PEX5L: variants seen among roughly 807,000 people sequenced by gnomAD.
PEX5L encodes PEX5-related protein.
PEX5L carries 30 observed loss-of-function variants against 84.0 expected under a neutral mutation model. The ratio of observed to expected loss-of-function variants is 0.36; its 90% confidence interval spans 0.27 to 0.48. The LOEUF is 0.48. PEX5L is among the 20% of genes least tolerant of loss of function. PEX5L has a pLI of 0.99. For synonymous variants in PEX5L, 270 were observed against 283.1 expected (o/e 0.95, Z 0.46); for missense variants, 533 against 754.6 (o/e 0.71, Z 3.44).
At chr3:179,955,399 T>C (rs1450957001) in intron 2 of PEX5L, among the ~76,000 whole-genome samples, 2 of 150,090 alleles carry the variant, frequency 1.3e-5, no homozygotes, top group East Asian at 2.0e-4. Context: ...CTGAAGCTAA[T>C]TGGGTTTCTT....
At chr3:179,905,373 A>C (rs912807774) in intron 2 of PEX5L, among the ~76,000 whole-genome samples, 2 of 151,856 alleles carry the variant, frequency 1.3e-5, no homozygotes, top group Admixed American at 6.6e-5. Flanking sequence ...CCCAGGTTCA[A>C]GCCATTCTCC....
intron 8 of PEX5L, among the ~76,000 whole-genome samples, chr3:179,850,115 C>A (rs1203393261): frequency 2.0e-5 from 3 of 151,854 alleles, no homozygotes; most frequent in African/African-American, 7.3e-5. Context: ...CTAAGACTAT[C>A]TTGCCTTATA....
At chr3:180,022,923 T>C (rs2110513353) in intron 1 of PEX5L, among the ~76,000 whole-genome samples, 1 of 152,350 alleles carries the variant, frequency 6.6e-6, no homozygotes, top group Non-Finnish European at 1.5e-5. Flanking sequence ...TAAAGCTATT[T>C]GGATTCTACA....
intron 2 of PEX5L, among the ~76,000 whole-genome samples, chr3:179,938,118 G>T (rs950771700): frequency 6.6e-6 from 1 of 152,088 alleles, no homozygotes; most frequent in Non-Finnish European, 1.5e-5. Context: ...GGATTCTGAT[G>T]AGGTAAACAT....
Position 179,806,154 on chromosome 3 carries a change from A to G in PEX5L, c.1676+1520T>C, listed in dbSNP as rs139235740. On this transcript the variant is annotated intron_variant, in intron 14 of 14. Coordinates refer to ENST00000467460, the MANE Select transcript of PEX5L (RefSeq NM_016559.3). ...AAAAAAGGAATCTAAGGTGTCTCAT[A>G]AAATACATATACACAACATATCTAG... 8.0e-3 allele frequency among the ~76,000 whole-genome samples: 1,218 copies of G among 152,178 alleles called. 20 individuals carry two copies. The highest frequency in any genetic ancestry group is 0.027 in the African/African-American group (1,141 of 41,522).
chr3:179,817,735 A>G, intron 9 of PEX5L, among the ~76,000 whole-genome samples: 1 of 152,212 alleles, frequency 6.6e-6, no homozygotes, highest in East Asian at 1.9e-4. Flanking sequence ...CTAAGGTTTA[A>G]GAGTAGATCA....
chr3:179,959,068 A>T (rs1378240229), intron 2 of PEX5L, among the ~76,000 whole-genome samples: 1 of 152,058 alleles, frequency 6.6e-6, no homozygotes, highest in African/African-American at 2.4e-5. Context: ...CCGAAAAAAA[A>T]AAAATAAAAA....
At chr3:179,933,475 C>T (rs1387168985) in intron 2 of PEX5L, among the ~76,000 whole-genome samples, 2 of 151,718 alleles carry the variant, frequency 1.3e-5, no homozygotes. Context: ...AATTTCAATA[C>T]CAGTGAAATT....
intron 1 of PEX5L, among the ~76,000 whole-genome samples, chr3:180,001,421 T>C (rs1227412789): frequency 1.3e-5 from 2 of 150,326 alleles, no homozygotes; most frequent in East Asian, 3.9e-4. Flanking sequence ...CTCTGACTTA[T>C]ACACCCACCG....
chr3:179,960,134 T>A (rs1240528263), intron 2 of PEX5L, among the ~76,000 whole-genome samples: 2 of 152,232 alleles, frequency 1.3e-5, no homozygotes, highest in African/African-American at 4.8e-5. Context: ...TTTCCCTCTT[T>A]GTTCTCTTAC....
intron 3 of PEX5L, 35 bp from the exon 4 acceptor site, chr3:179,887,819 T>G: frequency 7.3e-7 from 1 of 1,378,794 alleles, no homozygotes; most frequent in Admixed American, 1.7e-5. Flanking sequence ...CAAAGGGCTT[T>G]GTTAAACTGC....
intron 2 of PEX5L, among the ~76,000 whole-genome samples, chr3:179,905,899 C>A (rs1440114849): frequency 6.6e-6 from 1 of 152,168 alleles, no homozygotes; most frequent in South Asian, 2.1e-4. Context: ...CATAAACGCT[C>A]AAGTGCACTC....
Position 179,816,023 on chromosome 3 carries a change from C to CCAGT in PEX5L, c.940-23_940-20dup. Reference sequence around the variant, plus strand: ...AATATCCCTGCAACACAGAAAAAGGCCAGTGCATGAGCCATTGATTTCTCT... The same window carrying CCAGT: ...AATATCCCTGCAACACAGAAAAAGGCCAGTCAGTGCATGAGCCATTGATTTCTCT... On this transcript the variant is annotated intron_variant, in intron 9 of 14. Transcript: ENST00000467460. 6.2e-7 allele frequency: 1 copy of CCAGT among 1,612,760 alleles called. No homozygotes were observed. Among genetic ancestry groups the CCAGT allele is most frequent in the Non-Finnish European group, 8.5e-7 (1 of 1,178,954 alleles).
chr3:179,891,733 C>T (rs1757689806), intron 3 of PEX5L, among the ~76,000 whole-genome samples: 2 of 152,102 alleles, frequency 1.3e-5, no homozygotes, highest in Non-Finnish European at 2.9e-5. Flanking sequence ...TTATTTTAGT[C>T]ATAGGAAGTC....
At chr3:179,834,823 A>G (rs932134485) in intron 8 of PEX5L, among the ~76,000 whole-genome samples, 2 of 152,182 alleles carry the variant, frequency 1.3e-5, no homozygotes, top group African/African-American at 4.8e-5. Flanking sequence ...TGATATTTTT[A>G]AGTTCTAACA....
chr3:179,958,437 G>A (rs1047061862), intron 2 of PEX5L, among the ~76,000 whole-genome samples: 5 of 152,190 alleles, frequency 3.3e-5, no homozygotes, highest in African/African-American at 1.2e-4. Flanking sequence ...AACCTACATG[G>A]TGAAGTTGTT....
At chr3:179,831,183 C>T (rs1335334218) in intron 8 of PEX5L, among the ~76,000 whole-genome samples, 3 of 151,778 alleles carry the variant, frequency 2.0e-5, no homozygotes, top group Non-Finnish European at 4.4e-5. Flanking sequence ...GGCATGGTGG[C>T]GGGTGCCTGT....
intron 14 of PEX5L, among the ~76,000 whole-genome samples, chr3:179,806,393 C>T (rs371367418): frequency 5.3e-5 from 8 of 152,262 alleles, no homozygotes; most frequent in African/African-American, 9.6e-5. Flanking sequence ...TAAAGCAAGC[C>T]GCTTGGTAAG....
intron 8 of PEX5L, among the ~76,000 whole-genome samples, chr3:179,825,311 C>A (rs1730024333): frequency 6.6e-6 from 1 of 152,176 alleles, no homozygotes; most frequent in Middle Eastern, 3.4e-3. Flanking sequence ...TACAAAACTG[C>A]CTGAAAATGA....
Sources: allele counts gnomAD v4.1 joint callset (sites outside exome capture counted in the v4.1 genomes callset), GRCh38; gene constraint gnomAD v4.1.1; transcripts MANE v1.5; gene names NCBI Gene and HGNC (gene_info 2026-07-23, HGNC 2026-07-21).